Variants in NRXN3 observed in about 807,000 individuals in gnomAD.
NRXN3 encodes the protein neurexin 3.
In NRXN3, 32 loss-of-function variants were observed where a neutral mutation model predicts 137.6. The observed-to-expected ratio is 0.23, with a 90% CI of 0.18 to 0.31. The LOEUF (loss-of-function observed/expected upper bound fraction) is 0.31, where lower values mean the gene tolerates loss of function less well. Ranked by LOEUF, NRXN3 falls within the 10% of genes least tolerant of loss-of-function variation. The probability of loss-of-function intolerance (pLI) is 1.00; values close to 1 mark genes in which losing one functional copy is unlikely to be tolerated. For missense variants in NRXN3, 1,574 were observed against 2,062.5 expected (o/e 0.76, Z 4.59); for synonymous variants, 798 against 784.5 (o/e 1.02, Z -0.29).
chr14:79,076,941 G>A (rs1469724961), intron 15 of NRXN3, among the ~76,000 whole-genome samples: 1 of 152,086 alleles, frequency 6.6e-6, no homozygotes, highest in Admixed American at 6.5e-5. Flanking sequence ...GTACCTACAT[G>A]CCCATGAAAC....
intron 15 of NRXN3, among the ~76,000 whole-genome samples, chr14:79,126,003 G>A (rs1024617155): frequency 2.7e-4 from 41 of 151,688 alleles, no homozygotes; most frequent in Non-Finnish European, 1.8e-4. Context: ...CATTGCTTTT[G>A]CACTGATTGG....
intron 16 of NRXN3, among the ~76,000 whole-genome samples, chr14:79,475,572 G>A (rs528828323): frequency 9.9e-5 from 15 of 152,098 alleles, no homozygotes; most frequent in African/African-American, 2.6e-4. Context: ...GAGAGGCCAC[G>A]ACAATTACAA....
At chr14:79,501,745 GAA>G (rs5809937) in intron 16 of NRXN3, among the ~76,000 whole-genome samples, 107 of 145,292 alleles carry the variant, frequency 7.4e-4, no homozygotes, top group African/African-American at 1.0e-3. Context: ...TTCCCTCTAG[GAA>G]AAAAAAAAAA....
intron 6 of NRXN3, among the ~76,000 whole-genome samples, chr14:78,682,656 G>A (rs760313560): frequency 5.3e-4 from 81 of 151,868 alleles, no homozygotes; most frequent in Non-Finnish European, 1.0e-3. Context: ...TTCAGTCCTC[G>A]CAGTAACTCT....
intron 4 of NRXN3, among the ~76,000 whole-genome samples, chr14:78,372,948 G>T (rs7149679): frequency 2.0e-5 from 3 of 152,210 alleles, no homozygotes; most frequent in African/African-American, 7.2e-5. Flanking sequence ...GGCAAGAAAC[G>T]TAGGTAGAAT....
At chr14:78,473,230 G>A (rs1344764402) in intron 4 of NRXN3, among the ~76,000 whole-genome samples, 9 of 151,712 alleles carry the variant, frequency 5.9e-5, no homozygotes, top group Non-Finnish European at 1.3e-4. Flanking sequence ...GTGAAACCTC[G>A]TCTCTACTAA....
At chr14:79,381,074 GT>G (rs1422348224) in intron 15 of NRXN3, among the ~76,000 whole-genome samples, 23 of 152,080 alleles carry the variant, frequency 1.5e-4, no homozygotes, top group Admixed American at 1.5e-3. Flanking sequence ...TTACATTAAT[GT>G]GTCAACAGTG....
chr14:79,670,926 T>C (rs939075205), intron 17 of NRXN3, among the ~76,000 whole-genome samples: 1 of 152,140 alleles, frequency 6.6e-6, no homozygotes, highest in Admixed American at 6.6e-5. Flanking sequence ...TTTCTCATCC[T>C]TCATGGAGAA....
chr14:79,696,185 T>C, intron 18 of NRXN3, among the ~76,000 whole-genome samples: 1 of 151,936 alleles, frequency 6.6e-6, no homozygotes, highest in Admixed American at 6.6e-5. Flanking sequence ...CAGATCAACA[T>C]TGTGTAGCCT....
At chr14:78,914,921 T>A (rs1412166810) in intron 10 of NRXN3, among the ~76,000 whole-genome samples, 2 of 151,890 alleles carry the variant, frequency 1.3e-5, no homozygotes, top group Non-Finnish European at 2.9e-5. Flanking sequence ...GGAGGGGGGA[T>A]AATTTGTTCA....
chr14:78,884,459 A>T (rs2099137575), intron 10 of NRXN3, among the ~76,000 whole-genome samples: 1 of 152,134 alleles, frequency 6.6e-6, no homozygotes, highest in South Asian at 2.1e-4. Context: ...CCTAAGGGCA[A>T]ACTCACTGAC....
intron 16 of NRXN3, among the ~76,000 whole-genome samples, chr14:79,612,256 G>A (rs1200673313): frequency 6.6e-6 from 1 of 152,180 alleles, no homozygotes; most frequent in Non-Finnish European, 1.5e-5. Flanking sequence ...GTGAGTGCTT[G>A]GAGGAAATTC....
At chr14:78,183,228 A>C (rs995818137) in intron 1 of NRXN3, among the ~76,000 whole-genome samples, 2 of 152,136 alleles carry the variant, frequency 1.3e-5, no homozygotes, top group African/African-American at 4.8e-5. Context: ...TGGAAACCCT[A>C]GTAAATGACT....
intron 15 of NRXN3, among the ~76,000 whole-genome samples, chr14:79,426,444 C>T (rs1438813769): frequency 2.0e-5 from 3 of 152,142 alleles, no homozygotes; most frequent in African/African-American, 4.8e-5. Context: ...AGGCTAAGGG[C>T]CCAATCATCA....
chr14:79,007,560 C>T (rs1157761658), intron 15 of NRXN3, among the ~76,000 whole-genome samples: 1 of 151,470 alleles, frequency 6.6e-6, no homozygotes, highest in Non-Finnish European at 1.5e-5. Flanking sequence ...AATTCCAGCA[C>T]TTTGGGAGGC....
intron 10 of NRXN3, among the ~76,000 whole-genome samples, chr14:78,928,839 A>T (rs747053585): frequency 5.9e-5 from 9 of 152,154 alleles, no homozygotes; most frequent in Non-Finnish European, 1.3e-4. Context: ...GCTGGGTCAA[A>T]TGGTATTTTT....
chr14:78,246,159 T>C (rs1170230876), intron 2 of NRXN3, among the ~76,000 whole-genome samples: 1 of 152,206 alleles, frequency 6.6e-6, no homozygotes, highest in African/African-American at 2.4e-5. Context: ...GATTGCATTT[T>C]TGTGTTTAAA....
At chr14:78,761,093 A>C (rs139910981) in intron 8 of NRXN3, among the ~76,000 whole-genome samples, 82 of 152,304 alleles carry the variant, frequency 5.4e-4, no homozygotes, top group Admixed American at 1.4e-3. Context: ...AGAACTGGGG[A>C]AAGGAAATTA....
At chr14:78,796,819 G>A (rs1031011722) in intron 8 of NRXN3, among the ~76,000 whole-genome samples, 6 of 152,038 alleles carry the variant, frequency 3.9e-5, no homozygotes, top group Non-Finnish European at 8.8e-5. Flanking sequence ...TGAACAATAA[G>A]GTACTCTTAC....
Sources: gnomAD v4.1 joint callset for allele counts (sites outside exome capture counted in the v4.1 genomes callset) on GRCh38, gnomAD v4.1.1 for gene constraint, MANE v1.5 for transcripts, NCBI Gene and HGNC (gene_info 2026-07-23, HGNC 2026-07-21) for gene names.